DLC1: variants seen among roughly 807,000 people sequenced by gnomAD.
DLC1 encodes the protein DLC1 Rho GTPase activating protein.
Under a neutral mutation model 140.3 loss-of-function variants are expected in DLC1, and 54 were observed. The ratio of observed to expected loss-of-function variants is 0.38; its 90% CI spans 0.31 to 0.48. The LOEUF is 0.48. Among genes scored for constraint, DLC1 ranks in the 20% least tolerant of loss-of-function variants. The probability of loss-of-function intolerance (pLI) is 0.96; values close to 1 mark genes in which losing one functional copy is unlikely to be tolerated. For synonymous variants in DLC1, 986 were observed against 728.1 expected (o/e 1.35, Z -5.70); for missense variants, 2,536 against 1,907.0 (o/e 1.33, Z -6.14).
intron 7 of DLC1, among the ~76,000 whole-genome samples, chr8:13,104,806 C>A (rs1003825652): frequency 6.6e-6 from 1 of 152,120 alleles, no homozygotes; most frequent in East Asian, 1.9e-4. Flanking sequence ...CCCAGAGCGC[C>A]TAGGTTCAGA....
chr8:13,199,230 G>C (rs564953051), intron 5 of DLC1, among the ~76,000 whole-genome samples: 25 of 132,132 alleles, frequency 1.9e-4, no homozygotes, highest in African/African-American at 7.2e-4. Flanking sequence ...TGTTGTCCAA[G>C]GTAGAGTACA....
chr8:13,392,346 T>C (rs1219474521), intron 4 of DLC1, among the ~76,000 whole-genome samples: 4 of 152,214 alleles, frequency 2.6e-5, no homozygotes, highest in Non-Finnish European at 5.9e-5. Flanking sequence ...AGATGTTCAA[T>C]AAATATTTAT....
At chr8:13,360,512 A>G (rs953978535) in intron 4 of DLC1, among the ~76,000 whole-genome samples, 4 of 152,162 alleles carry the variant, frequency 2.6e-5, no homozygotes, top group Middle Eastern at 3.2e-3. Flanking sequence ...TAAAATACTG[A>G]TGCCTGGGTT....
chr8:13,238,028 A>G (rs1221512100), intron 5 of DLC1, among the ~76,000 whole-genome samples: 1 of 152,214 alleles, frequency 6.6e-6, no homozygotes, highest in Non-Finnish European at 1.5e-5. Flanking sequence ...GGAGTAAATT[A>G]ACAAATATTG....
At position 13,086,361 on chromosome 8, in the gene DLC1, C is replaced by T. The variant is rs763626318; in HGVS notation, c.4395G>A (p.Leu1465=). Reference sequence around the variant, plus strand: ...CACAGGGTTCAATCAAATACCTGGACAAGAGCACATTAACCCTCACACCCA... The same window carrying T: ...CACAGGGTTCAATCAAATACCTGGATAAGAGCACATTAACCCTCACACCCA... ...PVVGVRVNVL[L]SRYLIEPCGP... The change falls in exon 17 of 18, where the codon TTG becomes TTA. Residue 1465 remains leucine (L), a synonymous_variant. Transcript: ENST00000276297. The T allele has an allele frequency of 1.2e-6, 2 of 1,614,212 alleles. No individual in the cohort carries two copies. Among genetic ancestry groups the T allele is most frequent in the East Asian group, 2.2e-5 (1 of 44,882 alleles).
intron 5 of DLC1, among the ~76,000 whole-genome samples, chr8:13,203,807 C>T (rs556854393): frequency 6.6e-6 from 1 of 152,258 alleles, no homozygotes; most frequent in Non-Finnish European, 1.5e-5. Flanking sequence ...GGAAACAGAA[C>T]AGAATGGATG....
At chr8:13,449,936 A>C (rs1563356600) in intron 2 of DLC1, among the ~76,000 whole-genome samples, 1 of 151,992 alleles carries the variant, frequency 6.6e-6, no homozygotes, top group East Asian at 1.9e-4. Context: ...ATTGAGGAAA[A>C]TTTTCAATTA....
At chr8:13,392,769 C>T (rs911979172) in intron 4 of DLC1, among the ~76,000 whole-genome samples, 2 of 152,140 alleles carry the variant, frequency 1.3e-5, no homozygotes, top group Admixed American at 6.6e-5. Flanking sequence ...TCACAATCTA[C>T]ACATGAAGCA....
Position 13,094,736 on chromosome 8 carries a change from T to C in DLC1, c.3526+23A>G, listed in dbSNP as rs765113033. On this transcript the variant is annotated intron_variant, in intron 12 of 17. Transcript: ENST00000276297. ...TCCCATTTTTCCCCAATGCCAACAA[T>C]CTTAAGATCAAAGGACACTCACATT... is the stretch of plus-strand genomic sequence containing the variant. 1.9e-6 allele frequency: 3 copies of C among 1,613,742 alleles called. No homozygotes were observed. In the South Asian group the frequency reaches 3.3e-5, roughly 18 times the overall value.
chr8:13,491,448 T>C (rs4645566), intron 2 of DLC1, among the ~76,000 whole-genome samples: 130,810 of 152,078 alleles, frequency 0.86, 56,981 homozygotes, highest in Non-Finnish European at 0.94. Context: ...ATAACACATA[T>C]ACTTTTGTGT....
chr8:13,306,941 G>A (rs1000059918), intron 4 of DLC1, among the ~76,000 whole-genome samples: 1 of 151,752 alleles, frequency 6.6e-6, no homozygotes, highest in African/African-American at 2.4e-5. Context: ...AAAATTAGCC[G>A]GGCATAGTGG....
At chr8:13,217,837 C>CAAAA (rs1305039877) in intron 5 of DLC1, among the ~76,000 whole-genome samples, 1 of 140,892 alleles carries the variant, frequency 7.1e-6, no homozygotes, top group African/African-American at 2.6e-5. Context: ...GACTCCATTT[C>CAAAA]AAAAAAAAAA....
At chr8:13,413,985 G>A (rs1837931328) in intron 2 of DLC1, among the ~76,000 whole-genome samples, 1 of 152,046 alleles carries the variant, frequency 6.6e-6, no homozygotes, top group Admixed American at 6.6e-5. Flanking sequence ...ACTCCAACAA[G>A]TACATGATGG....
At chr8:13,185,959 A>G (rs1310315989) in intron 5 of DLC1, among the ~76,000 whole-genome samples, 4 of 152,164 alleles carry the variant, frequency 2.6e-5, no homozygotes, top group Non-Finnish European at 5.9e-5. Context: ...TTTCTTTAAG[A>G]ATGTTGAATA....
In DLC1 at chr8:13,382,816, C is replaced by T. The variant is rs144214668; in HGVS notation, c.1314+10737G>A. Among the ~76,000 whole-genome samples the T allele has an allele frequency of 1.9e-3, 294 of 152,226 alleles. 3 individuals are homozygous for T. Among genetic ancestry groups the T allele is most frequent in the African/African-American group, 5.3e-3 (220 of 41,536 alleles). On this transcript the variant is annotated intron_variant, in intron 4 of 17. Transcript: ENST00000276297. Reference sequence around the variant, plus strand: ...TGAAAGATACTTCACAGATCCCATACATTAAAAAGTAGGGCTTAAAAGGAT... The same window carrying T: ...TGAAAGATACTTCACAGATCCCATATATTAAAAAGTAGGGCTTAAAAGGAT...
At chr8:13,190,518 AT>A (rs1303349594) in intron 5 of DLC1, among the ~76,000 whole-genome samples, 1 of 152,158 alleles carries the variant, frequency 6.6e-6, no homozygotes, top group Non-Finnish European at 1.5e-5. Flanking sequence ...GGTTTTAGTG[AT>A]TGCTGAAACA....
intron 4 of DLC1, among the ~76,000 whole-genome samples, chr8:13,334,480 C>T (rs1371444106): frequency 2.0e-5 from 3 of 152,118 alleles, no homozygotes; most frequent in Non-Finnish European, 2.9e-5. Context: ...TCACTGTGCA[C>T]ATGGGGTAGA....
chr8:13,579,382 A>AATATGT (rs1563454177), intron 1 of DLC1, among the ~76,000 whole-genome samples: 15 of 26,264 alleles, frequency 5.7e-4, no homozygotes, highest in African/African-American at 1.1e-3. Flanking sequence ...ATACATATTT[A>AATATGT]TATATTATAT....
chr8:13,391,777 A>G (rs1241913057), intron 4 of DLC1, among the ~76,000 whole-genome samples: 1 of 152,212 alleles, frequency 6.6e-6, no homozygotes, highest in East Asian at 1.9e-4. Flanking sequence ...GAGAAAGTGG[A>G]TACCACCAGT....
Sources: allele counts gnomAD v4.1 joint callset (sites outside exome capture counted in the v4.1 genomes callset), GRCh38; gene constraint gnomAD v4.1.1; transcripts MANE v1.5; gene names NCBI Gene and HGNC (gene_info 2026-07-23, HGNC 2026-07-21).